Variants in RRM2 observed in about 807,000 individuals in gnomAD.
RRM2 encodes ribonucleoside-diphosphate reductase subunit M2.
In RRM2, 6 loss-of-function variants were observed where a neutral mutation model predicts 45.9. The observed-to-expected ratio is 0.13, with a 90% confidence interval of 0.07 to 0.26. RRM2 has a LOEUF of 0.26. Ranked by LOEUF, RRM2 falls within the 10% of genes least tolerant of loss-of-function variation. The pLI, the probability that RRM2 is intolerant of heterozygous loss-of-function variation, is 1.00. For synonymous variants in RRM2, 177 were observed against 173.0 expected (o/e 1.02, Z -0.18); for missense variants, 343 against 489.5 (o/e 0.70, Z 2.82).
intron 3 of RRM2, among the ~76,000 whole-genome samples, chr2:10,170,356 G>A (rs758788769): frequency 1.3e-5 from 2 of 151,918 alleles, no homozygotes; most frequent in Non-Finnish European, 2.9e-5. Context: ...CTCAAGAAGC[G>A]GTCACTTGGC....
At chr2:10,210,868 C>A in exon 4 of RRM2, 1 of 306,316 alleles carries the variant, frequency 3.3e-6, no homozygotes, top group South Asian at 2.9e-5. Context: ...CCTTATGGTT[C>A]TCCCATGTGA....
intron 5 of RRM2, among the ~76,000 whole-genome samples, chr2:10,125,112 G>A (rs1327901351): frequency 1.3e-5 from 2 of 152,154 alleles, no homozygotes; most frequent in South Asian, 4.1e-4. Flanking sequence ...TAGATGTTGG[G>A]TAAGACAAAC....
upstream of RRM2, among the ~76,000 whole-genome samples, chr2:10,136,862 G>A (rs1274081382): frequency 6.6e-6 from 1 of 152,162 alleles, no homozygotes; most frequent in Non-Finnish European, 1.5e-5. Context: ...TTTACTTTGG[G>A]GGTGAGGGGT....
upstream of RRM2, among the ~76,000 whole-genome samples, chr2:10,138,851 T>G (rs1172476883): frequency 2.0e-5 from 3 of 151,568 alleles, no homozygotes; most frequent in African/African-American, 7.3e-5. Context: ...CTCACGCCTG[T>G]AATCCCAACA....
At chr2:10,141,880 C>G in exon 2 of RRM2, 1 of 1,568,452 alleles carries the variant, frequency 6.4e-7, no homozygotes. Context: ...AAGTGCAAAG[C>G]AGATGGAGTC....
At chr2:10,190,349 A>G (rs1572526961) in intron 3 of RRM2, among the ~76,000 whole-genome samples, 1 of 94,460 alleles carries the variant, frequency 1.1e-5, no homozygotes, top group African/African-American at 4.4e-5. Flanking sequence ...GGTGGTGAGG[A>G]TGGTGTTGGT....
Position 10,129,600 on chromosome 2 carries a change from AC to A in RRM2, c.*216del. ...CAGAAGGCCTGGCTGGCTGTGACTT[AC>A]CATAGCAGTGACAATGGCAGTCTTG... On this transcript the variant is annotated 3_prime_UTR_variant, in exon 10 of 10. Transcript: ENST00000304567. The surrounding 1 kb of genome is among the most constrained non-coding windows in gnomAD (Gnocchi z 4.8). 1 of 562,084 alleles carries A rather than the reference AC, an allele frequency of 1.8e-6. No homozygotes were observed. Among genetic ancestry groups the A allele is most frequent in the South Asian group, 2.5e-5 (1 of 39,952 alleles). 34.8% of individuals were successfully genotyped at this position (562,084 alleles called of 1,614,324 possible).
chr2:10,158,295 A>G (rs1428848789), intron 3 of RRM2, among the ~76,000 whole-genome samples: 2 of 152,186 alleles, frequency 1.3e-5, no homozygotes, highest in Non-Finnish European at 2.9e-5. Flanking sequence ...GTTCTGGCAC[A>G]GGAAAGCGCT....
rs145424023 is a variant in RRM2, at chr2:10,194,427, C to T, written n.483-15884C>T. On this transcript the variant is annotated intron_variant and non_coding_transcript_variant, in intron 3 of 3. Transcript: ENST00000381786. ...TGACACAGAAATGACAGTTCCTACT[C>T]CCCAGCTTGTGCGGGCCCAAATGGG... Among the ~76,000 whole-genome samples the T allele has an allele frequency of 1.1e-4, 16 of 152,358 alleles. No individual in the cohort carries two copies. The East Asian group carries it at 2.9e-3, about 28-fold the overall frequency.
chr2:10,181,674 A>T (rs889784079), intron 3 of RRM2, among the ~76,000 whole-genome samples: 3 of 151,354 alleles, frequency 2.0e-5, no homozygotes, highest in African/African-American at 7.3e-5. Flanking sequence ...TTCCATTGAA[A>T]ATATTTTCCG....
At chr2:10,123,220 G>T in intron 2 of RRM2, 163 bp downstream of exon 2, 1 of 1,275,294 alleles carries the variant, frequency 7.8e-7, no homozygotes, top group East Asian at 2.5e-5. Context: ...CCATTTCCCG[G>T]TTCGGGCGTG....
intron 3 of RRM2, among the ~76,000 whole-genome samples, chr2:10,186,705 C>T (rs1024678552): frequency 1.3e-5 from 2 of 152,202 alleles, no homozygotes; most frequent in Non-Finnish European, 1.5e-5. Context: ...AGGGACTTAG[C>T]GTAGGTCCTG....
chr2:10,136,780 A>G (rs1662996047), upstream of RRM2, among the ~76,000 whole-genome samples: 1 of 152,114 alleles, frequency 6.6e-6, no homozygotes, highest in Non-Finnish European at 1.5e-5. Context: ...CTTAAAAACA[A>G]ATACCCTGGC....
chr2:10,207,222 C>G (rs1664679752), intron 3 of RRM2, among the ~76,000 whole-genome samples: 2 of 152,150 alleles, frequency 1.3e-5, no homozygotes, highest in African/African-American at 4.8e-5. Context: ...ATCCAGTCAC[C>G]TCCAGTCCTG....
At chr2:10,167,026 C>T (rs1295925247) in intron 3 of RRM2, among the ~76,000 whole-genome samples, 3 of 152,176 alleles carry the variant, frequency 2.0e-5, no homozygotes, top group African/African-American at 4.8e-5. Flanking sequence ...TTTGAGAACA[C>T]GGCTAAGAAC....
At chr2:10,128,451 A>G (rs1008200023) in intron 7 of RRM2, among the ~76,000 whole-genome samples, 1 of 152,254 alleles carries the variant, frequency 6.6e-6, no homozygotes, top group African/African-American at 2.4e-5. Flanking sequence ...TTGAAATTGC[A>G]TACAAATTTC....
In RRM2 at chr2:10,123,781, G is replaced by C. The variant is rs368611962; in HGVS notation, c.364G>C (p.Glu122Gln). 1.9e-6 allele frequency: 3 copies of C among 1,612,950 alleles called. No individual in the cohort carries two copies. The African/African-American group carries it at 4.0e-5, about 22-fold the overall frequency. Residue 122 changes from glutamate (E) to glutamine (Q), a missense_variant, in exon 4 of 10, where the codon GAG becomes CAG. Glu to Gln is a conservative substitution (Grantham distance 29, BLOSUM62 2). Around this residue, in one of 2 missense-constraint regions of RRM2, gnomAD observed 212 missense variants for 368.1 expected, o/e 0.58. Coordinates refer to ENST00000304567, the MANE Select transcript of RRM2 (RefSeq NM_001034.4). Reference protein sequence around the residue: ...DIQHWESLKPEERYFISHVLA... With the variant: ...DIQHWESLKPQERYFISHVLA... ...TCAGCACTGGGAATCCCTGAAACCC[G>C]AGGAGAGATATTTTATATCCCATGT...
At chr2:10,160,289 C>G (rs949608912) in intron 3 of RRM2, among the ~76,000 whole-genome samples, 1 of 152,216 alleles carries the variant, frequency 6.6e-6, no homozygotes, top group Non-Finnish European at 1.5e-5. Context: ...TCTGAGCTGA[C>G]AGCATCTCAC....
At chr2:10,179,714 G>T (rs889728614) in intron 3 of RRM2, among the ~76,000 whole-genome samples, 4 of 152,268 alleles carry the variant, frequency 2.6e-5, no homozygotes, top group Admixed American at 2.0e-4. Flanking sequence ...TGTGAGGGAA[G>T]TACAGTTTCT....
Sources: gnomAD v4.1 joint callset for allele counts (sites outside exome capture counted in the v4.1 genomes callset) on GRCh38, gnomAD v4.1.1 for gene constraint, gnomAD v4.1.1 regional missense constraint, Gnocchi (gnomAD v3.1) non-coding constraint, MANE v1.5 for transcripts, NCBI Gene and HGNC (gene_info 2026-07-23, HGNC 2026-07-21) for gene names.